Variants in CADPS2 observed in about 807,000 individuals in gnomAD.
CADPS2 encodes calcium-dependent secretion activator 2.
CADPS2 carries 93 observed loss-of-function variants against 172.5 expected under a neutral mutation model. The ratio of observed to expected loss-of-function variants is 0.54; its 90% CI spans 0.46 to 0.64. CADPS2 has a LOEUF of 0.64. Ranked by LOEUF, CADPS2 falls within the 30% of genes least tolerant of loss-of-function variation. The pLI, the probability that CADPS2 is intolerant of heterozygous loss-of-function variation, is 0.00. For missense variants in CADPS2, 1,420 were observed against 1,565.9 expected (o/e 0.91, Z 1.57); for synonymous variants, 546 against 555.2 (o/e 0.98, Z 0.23).
At chr7:122,477,288 G>A (rs1214011146) in intron 12 of CADPS2, among the ~76,000 whole-genome samples, 1 of 152,124 alleles carries the variant, frequency 6.6e-6, no homozygotes, top group Admixed American at 6.5e-5. Context: ...CGAGGTGGGT[G>A]AATCACCTGG....
chr7:122,642,384 T>C (rs2134553698), intron 3 of CADPS2, among the ~76,000 whole-genome samples: 1 of 152,202 alleles, frequency 6.6e-6, no homozygotes, highest in African/African-American at 2.4e-5. Context: ...CACTCTCCTG[T>C]TGCATGGGAG....
chr7:122,843,267 T>A (rs1336617202), intron 1 of CADPS2, among the ~76,000 whole-genome samples: 1 of 150,640 alleles, frequency 6.6e-6, no homozygotes, highest in African/African-American at 2.4e-5. Context: ...TGTAATCACA[T>A]AGTAGATGAA....
chr7:122,886,205 G>GCGCGTCCCGC lies in CADPS2; in HGVS notation c.123_132dup (p.Pro45AlafsTer37), dbSNP rs1824338554. On this transcript the variant is annotated frameshift_variant, in exon 1 of 30. Transcript: ENST00000449022. LOFTEE classifies it high-confidence loss of function. The stretch of plus-strand genomic sequence containing the variant: ...GCGCCGCCGCCGCCCGCGCGCCCCG[G>GCGCGTCCCGC]CGCGTCCCGCCGCCCTTCCCGAGTC... 6.8e-7 allele frequency: 1 copy of GCGCGTCCCGC among 1,471,628 alleles called. No individual in the cohort carries two copies. The highest frequency in any genetic ancestry group is 2.9e-5 in the Admixed American group (1 of 34,616). 91.2% of individuals were successfully genotyped at this position (1,471,628 alleles called of 1,614,324 possible). A position where few individuals can be genotyped will look rare whatever the true frequency, so the allele number is the denominator to read the frequency against.
At chr7:122,534,566 T>C (rs1460978467) in intron 8 of CADPS2, among the ~76,000 whole-genome samples, 2 of 152,100 alleles carry the variant, frequency 1.3e-5, no homozygotes, top group African/African-American at 4.8e-5. Context: ...AATGTCAAAC[T>C]GATGATGAAT....
At chr7:122,538,848 A>T (rs1286916332) in intron 8 of CADPS2, among the ~76,000 whole-genome samples, 3 of 152,036 alleles carry the variant, frequency 2.0e-5, no homozygotes, top group Non-Finnish European at 4.4e-5. Context: ...TAACGATGGG[A>T]GTTGGAGACA....
At chr7:122,426,316 T>G (rs1205568649) in intron 17 of CADPS2, 1 of 152,116 alleles carries the variant, frequency 6.6e-6, no homozygotes. Flanking sequence ...GTTTACAGAG[T>G]AGGGTTGGGC....
At chr7:122,325,413 C>CA in intron 29 of CADPS2, 64 bp downstream of exon 29, 1 of 1,008,170 alleles carries the variant, frequency 9.9e-7, no homozygotes, top group Non-Finnish European at 1.5e-6. Flanking sequence ...TCTTGTATGT[C>CA]AGTATCTTGC....
chr7:122,478,604 A>T (rs934780299), intron 12 of CADPS2, among the ~76,000 whole-genome samples: 2 of 152,204 alleles, frequency 1.3e-5, no homozygotes, highest in Non-Finnish European at 2.9e-5. Context: ...AAATTTTTTC[A>T]TTAGGATAAT....
At chr7:122,742,979 G>C (rs1234884864) in intron 1 of CADPS2, among the ~76,000 whole-genome samples, 2 of 152,112 alleles carry the variant, frequency 1.3e-5, no homozygotes, top group Non-Finnish European at 2.9e-5. Flanking sequence ...ATTTGGGGCA[G>C]TTGATTTATT....
chr7:122,595,564 G>C (rs1196730838), intron 6 of CADPS2, among the ~76,000 whole-genome samples: 1 of 152,104 alleles, frequency 6.6e-6, no homozygotes. Flanking sequence ...AGGTAAGAGA[G>C]TCTTAATTCT....
intron 17 of CADPS2, chr7:122,427,326 G>T (rs956797122): frequency 1.3e-5 from 2 of 152,030 alleles, no homozygotes; most frequent in Non-Finnish European, 2.9e-5. Flanking sequence ...ATGGGGGCAC[G>T]CTATGTTTTA....
chr7:122,866,583 C>T (rs1457314051), intron 1 of CADPS2, among the ~76,000 whole-genome samples: 1 of 152,178 alleles, frequency 6.6e-6, no homozygotes, highest in African/African-American at 2.4e-5. Context: ...CACCTGTAGT[C>T]CCAGCTACTC....
rs115501625 is a variant in CADPS2 at position 122,392,957 on chromosome 7, T to C, written c.3008+239A>G. Among the ~76,000 whole-genome samples the C allele has an allele frequency of 6.9e-3, 1,055 of 152,208 alleles. 13 individuals carry two copies. The highest frequency in any genetic ancestry group is 0.024 in the African/African-American group (1,017 of 41,526). On this transcript the variant is annotated intron_variant, in intron 22 of 29. Coordinates refer to ENST00000449022, the MANE Select transcript of CADPS2 (RefSeq NM_017954.11). ...GTAGAATGCCACCAAATTATTCCTG[T>C]CCCACAGATTATATATGAACTACAT...
chr7:122,831,852 C>T (rs546721645), intron 1 of CADPS2, among the ~76,000 whole-genome samples: 2 of 152,206 alleles, frequency 1.3e-5, no homozygotes, highest in African/African-American at 4.8e-5. Flanking sequence ...TCTTGCCATG[C>T]TAGAAAACTA....
At chr7:122,551,138 A>C (rs899239873) in intron 8 of CADPS2, among the ~76,000 whole-genome samples, 1 of 152,256 alleles carries the variant, frequency 6.6e-6, no homozygotes, top group Middle Eastern at 3.4e-3. Context: ...TTAAAAAAAT[A>C]GTCATATTAA....
chr7:122,585,742 A>C (rs2069576908), intron 6 of CADPS2: 1 of 152,026 alleles, frequency 6.6e-6, no homozygotes, highest in Admixed American at 6.6e-5. Flanking sequence ...CGAATGAATA[A>C]AAATCTACAA....
chr7:122,648,337 C>T (rs2078778256), intron 3 of CADPS2, among the ~76,000 whole-genome samples: 1 of 152,064 alleles, frequency 6.6e-6, no homozygotes, highest in South Asian at 2.1e-4. Flanking sequence ...CTAAATGATT[C>T]CCAAATCTGT....
At chr7:122,747,277 T>A (rs1161726339) in intron 1 of CADPS2, among the ~76,000 whole-genome samples, 2 of 151,880 alleles carry the variant, frequency 1.3e-5, no homozygotes, top group East Asian at 3.9e-4. Flanking sequence ...CTCAGACATG[T>A]GCTATGGAAA....
intron 25 of CADPS2, among the ~76,000 whole-genome samples, chr7:122,366,552 T>A (rs1401433414): frequency 1.4e-5 from 2 of 147,778 alleles, no homozygotes; most frequent in Non-Finnish European, 3.0e-5. Context: ...TTGAAGTGAG[T>A]CGAGATTGCG....
Sources: allele counts gnomAD v4.1 joint callset (sites outside exome capture counted in the v4.1 genomes callset), GRCh38; gene constraint gnomAD v4.1.1; transcripts MANE v1.5; gene names NCBI Gene and HGNC (gene_info 2026-07-23, HGNC 2026-07-21).